The following PEPD variants were observed in gnomAD, a reference collection of about 807,000 sequenced individuals.
PEPD encodes the protein peptidase D, also known as xaa-Pro dipeptidase.
Under a neutral mutation model 60.7 loss-of-function variants are expected in PEPD, and 53 were observed. The ratio of observed to expected loss-of-function variants is 0.87; its 90% CI spans 0.70 to 1.10. PEPD has a LOEUF of 1.10. Ranked by LOEUF, PEPD falls within the 50% of genes least tolerant of loss-of-function variation. The pLI is 0.00. For synonymous variants in PEPD, 267 were observed against 284.1 expected (o/e 0.94, Z 0.60); for missense variants, 711 against 711.9 (o/e 1.00, Z 0.01).
chr19:33,492,245 C>A (rs1970515684), intron 5 of PEPD, among the ~76,000 whole-genome samples: 1 of 152,070 alleles, frequency 6.6e-6, no homozygotes, highest in South Asian at 2.1e-4. Flanking sequence ...CCACCTCGCA[C>A]CCCCCACCCT....
At chr19:33,496,640 G>A (rs1291264111) in intron 4 of PEPD, among the ~76,000 whole-genome samples, 1 of 152,144 alleles carries the variant, frequency 6.6e-6, no homozygotes, top group East Asian at 1.9e-4. Flanking sequence ...TCAACTCAGG[G>A]CCTCGTTTCC....
chr19:33,455,583 G>C (rs537160828), intron 9 of PEPD, among the ~76,000 whole-genome samples: 1 of 151,310 alleles, frequency 6.6e-6, no homozygotes, highest in Non-Finnish European at 1.5e-5. Context: ...GCTAACTGCC[G>C]CCTTGGCTTC....
intron 9 of PEPD, among the ~76,000 whole-genome samples, chr19:33,446,033 T>C (rs530791222): frequency 6.6e-6 from 1 of 152,298 alleles, no homozygotes; most frequent in African/African-American, 2.4e-5. Context: ...CCGCAGCCTG[T>C]TCGGGATTCA....
At chr19:33,478,436 C>G (rs1970261318) in intron 6 of PEPD, among the ~76,000 whole-genome samples, 2 of 152,088 alleles carry the variant, frequency 1.3e-5, no homozygotes, top group Non-Finnish European at 2.9e-5. Flanking sequence ...AAAACCTCAC[C>G]AATTTGATGA....
chr19:33,415,013 G>A (rs1244402266), intron 9 of PEPD, among the ~76,000 whole-genome samples: 1 of 152,188 alleles, frequency 6.6e-6, no homozygotes, highest in East Asian at 1.9e-4. Flanking sequence ...GTCCAGGCAC[G>A]TTCCTACCAA....
At chr19:33,510,931 C>T (rs562801221) in intron 3 of PEPD, 97 bp downstream of exon 3, 70 of 1,310,462 alleles carry the variant, frequency 5.3e-5, no homozygotes, top group Middle Eastern at 2.5e-4. Flanking sequence ...CCCTCCTCCC[C>T]GTCCCCAGGC....
intron 3 of PEPD, among the ~76,000 whole-genome samples, chr19:33,501,589 G>A (rs962211124): frequency 8.5e-5 from 13 of 152,156 alleles, no homozygotes; most frequent in Admixed American, 7.2e-4. Flanking sequence ...AGGCAGGAGA[G>A]TCACTTGAAC....
At chr19:33,502,515 AC>A (rs942382841) in intron 3 of PEPD, among the ~76,000 whole-genome samples, 2 of 151,394 alleles carry the variant, frequency 1.3e-5, no homozygotes, top group Non-Finnish European at 2.9e-5. Context: ...CCCTTTGCAA[AC>A]CCCCCCTTTT....
chr19:33,410,841 C>A (rs1338431154), intron 11 of PEPD, among the ~76,000 whole-genome samples: 1 of 152,102 alleles, frequency 6.6e-6, no homozygotes, highest in Non-Finnish European at 1.5e-5. Flanking sequence ...CCCCAGGGCT[C>A]CAGCACTGGG....
chr19:33,411,696 C>G lies in PEPD; in HGVS notation c.794G>C (p.Arg265Pro), dbSNP rs200351927. Residue 265 changes from arginine to proline, a missense_variant, in exon 11 of 15, where the codon CGA becomes CCA. Arg to Pro is a moderately radical substitution (Grantham distance 103, BLOSUM62 -2). Transcript: ENST00000244137. ...CCACATATCCCCATTCTGGATCGTT[C>G]GGTCGTTGGGAGCTCCGGCGTGTCC... ...HYGHAGAPND[R>P]TIQNGDMCLF... is the part of the protein sequence containing the mutation. The G allele has an allele frequency of 6.2e-7, 1 of 1,609,178 alleles. No individual in the cohort carries two copies. The highest frequency in any genetic ancestry group is 1.1e-5 in the South Asian group (1 of 90,920).
At chr19:33,408,661 C>T (rs1023094129) in intron 11 of PEPD, among the ~76,000 whole-genome samples, 1 of 152,224 alleles carries the variant, frequency 6.6e-6, no homozygotes. Context: ...TGTCTTCCCC[C>T]AGTCAAAGGA....
In PEPD at chr19:33,512,584, G is replaced by A; in HGVS notation, c.201+9C>T. ...ACCTGCTCACTTGTGGCCAAGCGGG[G>A]AGGCTCACCTGGCGGAAGAGGACCC... On this transcript the variant is annotated intron_variant, in intron 2 of 14. Coordinates refer to ENST00000244137, the MANE Select transcript of PEPD (RefSeq NM_000285.4). The A allele has an allele frequency of 1.2e-6, 2 of 1,612,764 alleles. No homozygotes were observed. Among genetic ancestry groups the A allele is most frequent in the Non-Finnish European group, 1.7e-6 (2 of 1,179,684 alleles).
At chr19:33,518,757 G>T (rs549761765) in intron 1 of PEPD, among the ~76,000 whole-genome samples, 1 of 152,104 alleles carries the variant, frequency 6.6e-6, no homozygotes, top group African/African-American at 2.4e-5. Context: ...GAACCCCAGG[G>T]GTTCTAAGGA....
intron 9 of PEPD, among the ~76,000 whole-genome samples, chr19:33,454,584 G>A (rs1434242616): frequency 2.6e-5 from 4 of 151,494 alleles, no homozygotes; most frequent in Admixed American, 2.6e-4. Flanking sequence ...CCTCGGTGAT[G>A]GAGCGAGACT....
chr19:33,514,748 C>T (rs1046166685), intron 1 of PEPD, among the ~76,000 whole-genome samples: 1 of 151,882 alleles, frequency 6.6e-6, no homozygotes, highest in African/African-American at 2.4e-5. Context: ...GGCACCCCTC[C>T]ATCCAGGGCC....
rs61672663 is a variant in PEPD at position 33,392,142 on chromosome 19, T to A, written c.968-663A>T. Among the ~76,000 whole-genome samples the A allele has an allele frequency of 4.9e-3, 701 of 143,490 alleles. 9 individuals carry two copies. The highest frequency in any genetic ancestry group is 0.019 in the African/African-American group (671 of 35,708). The allele number at this position is 143,490 out of a possible 152,430, so 94.1% of individuals were successfully genotyped here. On this transcript the variant is annotated intron_variant, in intron 12 of 14. Coordinates refer to ENST00000244137, the MANE Select transcript of PEPD (RefSeq NM_000285.4). Reference sequence around the variant, plus strand: ...CCGCCTGCCAACAGCAGGGGCACCATCTCCAGGGGAGCCAGATGTCCAACT... The same window carrying A: ...CCGCCTGCCAACAGCAGGGGCACCAACTCCAGGGGAGCCAGATGTCCAACT...
chr19:33,446,532 C>T (rs929175123), intron 9 of PEPD, among the ~76,000 whole-genome samples: 1 of 152,240 alleles, frequency 6.6e-6, no homozygotes, highest in Non-Finnish European at 1.5e-5. Flanking sequence ...GGTGCCCATG[C>T]CATCCCCAAG....
At chr19:33,521,308 C>T (rs892842956) in intron 1 of PEPD, among the ~76,000 whole-genome samples, 3 of 152,208 alleles carry the variant, frequency 2.0e-5, no homozygotes, top group African/African-American at 7.2e-5. Flanking sequence ...GAGGGGGTGA[C>T]ATTTGGCCCC....
At position 33,401,933 on chromosome 19, in the gene PEPD, C is replaced by A. The variant is rs950221634; in HGVS notation, c.819-64G>T. On this transcript the variant is annotated intron_variant, in intron 11 of 14. Coordinates refer to ENST00000244137, the MANE Select transcript of PEPD (RefSeq NM_000285.4). The stretch of plus-strand genomic sequence containing the variant: ...TGCCACCGCCCCCTTACCCTTACCG[C>A]TCCCCACCTGCCCTGGACTCGAGGG... The A allele has an allele frequency of 4.6e-6, 7 of 1,523,174 alleles. No individual in the cohort carries two copies. The African/African-American group carries it at 6.9e-5, about 15-fold the overall frequency. 94.4% of individuals were successfully genotyped at this position (1,523,174 alleles called of 1,614,324 possible). A position where few individuals can be genotyped will look rare whatever the true frequency, so the allele number is the denominator to read the frequency against.
Sources: gnomAD v4.1 joint callset for allele counts (sites outside exome capture counted in the v4.1 genomes callset) on GRCh38, gnomAD v4.1.1 for gene constraint, MANE v1.5 for transcripts, NCBI Gene and HGNC (gene_info 2026-07-23, HGNC 2026-07-21) for gene names.